SETD5: variants seen among roughly 807,000 people sequenced by gnomAD.
The protein encoded by SETD5 is histone-lysine N-methyltransferase SETD5.
SETD5 carries 44 observed loss-of-function variants against 153.3 expected under a neutral mutation model. That is an observed-to-expected ratio of 0.29 (90% CI 0.23 to 0.37). The LOEUF is 0.37. SETD5 is among the 10% of genes least tolerant of loss of function. SETD5 has a pLI of 1.00. For synonymous variants in SETD5, 716 were observed against 645.2 expected, an observed-to-expected ratio of 1.11 and a Z score of -1.66; for missense variants, 1,544 against 1,768.0, an observed-to-expected ratio of 0.87 and a Z score of 2.27.
At chr3:9,455,018 T>C (rs1251428682) in intron 17 of SETD5, among the ~76,000 whole-genome samples, 4 of 152,134 alleles carry the variant, frequency 2.6e-5, no homozygotes, top group Non-Finnish European at 4.4e-5. Flanking sequence ...GCTGAATAAA[T>C]GTAATGAACT....
intron 1 of SETD5, among the ~76,000 whole-genome samples, chr3:9,421,437 C>A (rs1337332800): frequency 2.0e-5 from 3 of 151,974 alleles, no homozygotes; most frequent in Non-Finnish European, 4.4e-5. Flanking sequence ...CGCACCTGGC[C>A]TCTAAGAGTG....
intron 10 of SETD5, 75 bp downstream of exon 10, chr3:9,442,320 C>T: frequency 1.9e-6 from 2 of 1,064,108 alleles, no homozygotes; most frequent in Non-Finnish European, 2.8e-6. Flanking sequence ...AGTGTGAAAA[C>T]TTCACTCAGA....
intron 17 of SETD5, among the ~76,000 whole-genome samples, chr3:9,460,784 G>A (rs1024575900): frequency 2.0e-5 from 3 of 152,098 alleles, no homozygotes; most frequent in Admixed American, 6.5e-5. Context: ...CCATATTTAA[G>A]TATGTTCTTT....
chr3:9,431,193 T>C lies in SETD5; in HGVS notation c.71+2184T>C, dbSNP rs767149078. 175 of 985,434 alleles carry C rather than the reference T, an allele frequency of 1.8e-4. 1 individual carries two copies. Among genetic ancestry groups the C allele is most frequent in the African/African-American group, 1.8e-3 (101 of 57,364 alleles). 61.0% of individuals were successfully genotyped at this position (985,434 alleles called of 1,614,324 possible). A position where few individuals can be genotyped will look rare whatever the true frequency, so the allele number is the denominator to read the frequency against. On this transcript the variant is annotated intron_variant, in intron 3 of 22. Coordinates refer to ENST00000402198, the MANE Select transcript of SETD5 (RefSeq NM_001080517.3). Reference sequence around the variant, plus strand: ...GTGTGTTTGTAGGAAAATTTGTAGATGTAACAAGCAAAACAAAGATTTTTC... The same window carrying C: ...GTGTGTTTGTAGGAAAATTTGTAGACGTAACAAGCAAAACAAAGATTTTTC...
At chr3:9,438,404 T>C (rs886547428) in intron 7 of SETD5, among the ~76,000 whole-genome samples, 2 of 152,144 alleles carry the variant, frequency 1.3e-5, no homozygotes, top group Admixed American at 6.5e-5. Flanking sequence ...TCATAACTTA[T>C]CTCCAGAAGC....
intron 17 of SETD5, among the ~76,000 whole-genome samples, chr3:9,459,510 C>T (rs2043668356): frequency 6.6e-6 from 1 of 151,844 alleles, no homozygotes; most frequent in South Asian, 2.1e-4. Flanking sequence ...GTGGCTCACG[C>T]CTGTAATCCC....
At chr3:9,425,061 T>TTTTTTTTTTTTTTG (rs2038964925) in intron 2 of SETD5, among the ~76,000 whole-genome samples, 4 of 143,958 alleles carry the variant, frequency 2.8e-5, no homozygotes, top group African/African-American at 1.1e-4. Flanking sequence ...GTTTCTTTTT[T>TTTTTTTTTTTTTTG]TTTTTTTTTT....
intron 1 of SETD5, chr3:9,423,184 CAT>C (rs2038669439): frequency 6.6e-6 from 1 of 152,178 alleles, no homozygotes; most frequent in Non-Finnish European, 1.5e-5. Flanking sequence ...TTCAGCAAGT[CAT>C]ATAGAGAAGA....
In SETD5 at chr3:9,475,048, TTA is replaced by T. The variant is rs770666616; in HGVS notation, c.3632-14_3632-13del. 1.9e-6 allele frequency: 3 copies of T among 1,548,488 alleles called. No homozygotes were observed. The South Asian group carries it at 3.7e-5, about 19-fold the overall frequency. On this transcript the variant is annotated intron_variant, in intron 21 of 22. Transcript: ENST00000402198. ...TCTAAGAAGCCAAGTTGATTTTTTT[TTA>T]TATATGTTACCTTCCAGACCCTGCA...
At chr3:9,433,585 G>T (rs2040216006) in intron 3 of SETD5, 3 of 1,286,842 alleles carry the variant, frequency 2.3e-6, no homozygotes, top group Non-Finnish European at 3.0e-6. Context: ...TTGTCATTAG[G>T]GACACCTTGT....
intron 3 of SETD5, among the ~76,000 whole-genome samples, chr3:9,433,077 A>G (rs1185564550): frequency 6.6e-6 from 1 of 152,244 alleles, no homozygotes; most frequent in Non-Finnish European, 1.5e-5. Context: ...TGCTGAAATT[A>G]AATGAATTAA....
chr3:9,468,142 TA>T (rs1412078251), intron 18 of SETD5, among the ~76,000 whole-genome samples: 3 of 151,528 alleles, frequency 2.0e-5, no homozygotes, highest in Non-Finnish European at 4.4e-5. Context: ...TAAGGAGGAA[TA>T]AGGGGTAGGG....
intron 17 of SETD5, among the ~76,000 whole-genome samples, chr3:9,455,720 G>C (rs149670873): frequency 1.3e-5 from 2 of 152,156 alleles, no homozygotes; most frequent in Admixed American, 1.3e-4. Flanking sequence ...TATCTATCTG[G>C]TGTGTGTGTT....
At position 9,442,472 on chromosome 3, in the gene SETD5, T is replaced by A. The variant is rs113981472; in HGVS notation, c.1077+227T>A. On this transcript the variant is annotated intron_variant, in intron 10 of 22. Transcript: ENST00000402198. ...AAATAGAAAAGAGCAAGTTAGCATT[T>A]GCTAAGGAGAAAAAGCTAGACTGGA... Among the ~76,000 whole-genome samples the A allele has an allele frequency of 8.3e-3, 1,258 of 152,342 alleles. 27 individuals carry two copies. Among genetic ancestry groups the A allele is most frequent in the African/African-American group, 0.028 (1,180 of 41,576 alleles).
At chr3:9,431,106 G>A (rs1409058029) in intron 3 of SETD5, 1 of 985,288 alleles carries the variant, frequency 1.0e-6, no homozygotes, top group East Asian at 1.1e-4. Context: ...ACTAGATGTA[G>A]ACTTCACTTC....
At chr3:9,406,237 T>C (rs2035633275) in intron 1 of SETD5, among the ~76,000 whole-genome samples, 2 of 152,238 alleles carry the variant, frequency 1.3e-5, no homozygotes, top group Non-Finnish European at 1.5e-5. Context: ...AAAAAACTTT[T>C]AGTTCTAAAG....
intron 17 of SETD5, among the ~76,000 whole-genome samples, chr3:9,459,966 T>A (rs2125442066): frequency 6.6e-6 from 1 of 152,024 alleles, no homozygotes; most frequent in East Asian, 1.9e-4. Context: ...AACATCAAAA[T>A]AGGCTATCAA....
At chr3:9,460,862 T>G (rs1016997470) in intron 17 of SETD5, among the ~76,000 whole-genome samples, 1 of 152,068 alleles carries the variant, frequency 6.6e-6, no homozygotes, top group African/African-American at 2.4e-5. Flanking sequence ...AAATCTAAAT[T>G]AAAAATTAAA....
chr3:9,435,717 TC>T lies in SETD5; in HGVS notation c.389-10del, dbSNP rs1208499229. On this transcript the variant is annotated splice_polypyrimidine_tract_variant and intron_variant, in intron 6 of 22. Transcript: ENST00000402198. ...TATTAGTACCTGAACTATGAAATCA[TC>T]ATTTTTCAGGTGGGGATAGCAGTGC... is the stretch of plus-strand genomic sequence containing the variant. The T allele has an allele frequency of 6.4e-7, 1 of 1,561,024 alleles. No homozygotes were observed. Among genetic ancestry groups the T allele is most frequent in the Admixed American group, 2.0e-5 (1 of 49,248 alleles).
Sources: gnomAD v4.1 joint callset for allele counts (sites outside exome capture counted in the v4.1 genomes callset) on GRCh38, gnomAD v4.1.1 for gene constraint, MANE v1.5 for transcripts, NCBI Gene and HGNC (gene_info 2026-07-23, HGNC 2026-07-21) for gene names.